Variants in BAZ2B observed in about 807,000 individuals in gnomAD.
BAZ2B encodes bromodomain adjacent to zinc finger domain 2B, also known as bromodomain adjacent to zinc finger domain protein 2B.
BAZ2B carries 91 observed loss-of-function variants against 246.0 expected under a neutral mutation model. That is an observed-to-expected ratio of 0.37 (90% CI 0.31 to 0.44). The LOEUF (loss-of-function observed/expected upper bound fraction) is 0.44, where lower values mean the gene tolerates loss of function less well. BAZ2B is among the 20% of genes least tolerant of loss of function. The pLI, the probability that BAZ2B is intolerant of heterozygous loss-of-function variation, is 1.00. For missense variants in BAZ2B, 2,332 were observed against 2,533.7 expected (o/e 0.92, Z 1.71); for synonymous variants, 855 against 860.0 (o/e 0.99, Z 0.10).
chr2:159,456,765 T>C (rs896493214), intron 3 of BAZ2B, among the ~76,000 whole-genome samples: 1 of 152,162 alleles, frequency 6.6e-6, no homozygotes, highest in African/African-American at 2.4e-5. Flanking sequence ...ACAGGTCCAT[T>C]CCTTGCTGGT....
intron 31 of BAZ2B, among the ~76,000 whole-genome samples, chr2:159,340,639 G>GA (rs886456028): frequency 7.0e-4 from 101 of 144,134 alleles, no homozygotes; most frequent in Middle Eastern, 3.5e-3. Context: ...AGTAGTGAGA[G>GA]AAAAAAAAAA....
chr2:159,462,207 C>A, intron 3 of BAZ2B: 3 of 447,458 alleles, frequency 6.7e-6, no homozygotes, highest in Non-Finnish European at 8.1e-6. Context: ...CAGAAAATTA[C>A]AAAGCAGAGA....
At chr2:159,401,592 A>G (rs1423041456) in intron 16 of BAZ2B, among the ~76,000 whole-genome samples, 1 of 152,176 alleles carries the variant, frequency 6.6e-6, no homozygotes. Flanking sequence ...CTGTAACATT[A>G]TTTTAAAATT....
chr2:159,639,612 C>T, the BAZ2B span, among the ~76,000 whole-genome samples: 13 of 152,012 alleles, frequency 8.6e-5, no homozygotes, highest in East Asian at 1.9e-3. Context: ...AGTGTTAAGT[C>T]GTCATCAGTT....
chr2:159,562,452 T>TTG (rs2089971289), intron 1 of BAZ2B, among the ~76,000 whole-genome samples: 1 of 152,212 alleles, frequency 6.6e-6, no homozygotes, highest in Non-Finnish European at 1.5e-5. Flanking sequence ...GCTTAGCACT[T>TTG]CGCAACATCT....
upstream of BAZ2B, among the ~76,000 whole-genome samples, chr2:159,620,888 G>C (rs1216855402): frequency 6.6e-6 from 1 of 152,198 alleles, no homozygotes; most frequent in African/African-American, 2.4e-5. Flanking sequence ...ACCTTGTTTT[G>C]AGGGAACAGT....
intron 33 of BAZ2B, among the ~76,000 whole-genome samples, chr2:159,334,208 A>G (rs2065242275): frequency 6.6e-6 from 1 of 152,160 alleles, no homozygotes; most frequent in Admixed American, 6.5e-5. Context: ...AAATAAAATT[A>G]TTTCCTGATA....
intron 2 of BAZ2B, among the ~76,000 whole-genome samples, chr2:159,549,668 G>A (rs994044415): frequency 6.6e-6 from 1 of 151,948 alleles, no homozygotes; most frequent in African/African-American, 2.4e-5. Context: ...GTGTTAGGAT[G>A]CACTGATAGC....
chr2:159,387,495 T>G (rs1268371687), intron 21 of BAZ2B, among the ~76,000 whole-genome samples: 1 of 152,192 alleles, frequency 6.6e-6, no homozygotes, highest in Non-Finnish European at 1.5e-5. Context: ...TCAAAAATAT[T>G]TCTCCACTCT....
At chr2:159,333,090 G>A (rs1224050910) in intron 33 of BAZ2B, 1 of 153,342 alleles carries the variant, frequency 6.5e-6, no homozygotes, top group African/African-American at 2.4e-5. Flanking sequence ...ATGATATCCT[G>A]AGAAAGAAAT....
chr2:159,496,059 G>A (rs557767911), intron 2 of BAZ2B, among the ~76,000 whole-genome samples: 29 of 148,012 alleles, frequency 2.0e-4, no homozygotes, highest in Admixed American at 1.6e-3. Context: ...ATGAGCCACC[G>A]CGCCCAGCCA....
At chr2:159,413,634 G>C (rs1427508251) in intron 13 of BAZ2B, among the ~76,000 whole-genome samples, 1 of 152,124 alleles carries the variant, frequency 6.6e-6, no homozygotes, top group East Asian at 1.9e-4. Context: ...TTTGAACCAG[G>C]GAGGTGGAGG....
At chr2:159,365,698 G>A (rs2060146010) in intron 27 of BAZ2B, among the ~76,000 whole-genome samples, 1 of 152,114 alleles carries the variant, frequency 6.6e-6, no homozygotes, top group South Asian at 2.1e-4. Context: ...TACCCATATA[G>A]TATACTCTAT....
upstream of BAZ2B, among the ~76,000 whole-genome samples, chr2:159,618,000 T>G (rs1696261242): frequency 6.6e-6 from 1 of 152,244 alleles, no homozygotes; most frequent in African/African-American, 2.4e-5. Flanking sequence ...CTCAGGAGAC[T>G]GATGCTAAAT....
chr2:159,697,628 C>G, the BAZ2B span, among the ~76,000 whole-genome samples: 1 of 152,070 alleles, frequency 6.6e-6, no homozygotes, highest in East Asian at 1.9e-4. Context: ...ACAATTTTGG[C>G]TTTTTTTGCA....
intron 2 of BAZ2B, among the ~76,000 whole-genome samples, chr2:159,511,157 C>T (rs770171762): frequency 1.3e-5 from 2 of 152,132 alleles, no homozygotes; most frequent in Non-Finnish European, 2.9e-5. Context: ...TTAAGACAAA[C>T]TATTCCAGAA....
At position 159,429,251 on chromosome 2, in the gene BAZ2B, T is replaced by C. The variant is rs1207364807; in HGVS notation, c.2204A>G (p.Lys735Arg). 2 of 1,545,556 alleles carry C rather than the reference T, an allele frequency of 1.3e-6. No homozygotes were observed. The highest frequency in any genetic ancestry group is 1.8e-6 in the Non-Finnish European group (2 of 1,139,410). The change falls in exon 11 of 37, where the codon AAA becomes AGA. Residue 735 changes from lysine (K) to arginine (R), a missense_variant. Lys to Arg is a conservative substitution (Grantham distance 26). This residue lies in a region of BAZ2B where 651 missense variants were observed against 650.9 expected (regional missense o/e 1.00). Transcript: ENST00000392783. ...ACGTTCATCTGTTACTCTTCTTCTT[T>C]TGGAAGTGCCTTTAAAAAAATTCAA... ...LTSSPHSGTSKRRRVTDEREL... is the reference protein window; with the variant it reads ...LTSSPHSGTSRRRRVTDEREL...
chr2:159,664,961 C>G, the BAZ2B span, among the ~76,000 whole-genome samples: 1 of 151,642 alleles, frequency 6.6e-6, no homozygotes, highest in Non-Finnish European at 1.5e-5. Flanking sequence ...CCCATCGTCT[C>G]AGCCCAAAAT....
At chr2:159,683,790 T>G in the BAZ2B span, among the ~76,000 whole-genome samples, 1 of 152,220 alleles carries the variant, frequency 6.6e-6, no homozygotes, top group Non-Finnish European at 1.5e-5. Context: ...ACTAACTCTT[T>G]TTTCTCTTTA....
Sources: allele counts gnomAD v4.1 joint callset (sites outside exome capture counted in the v4.1 genomes callset), GRCh38; gene constraint gnomAD v4.1.1; regional missense constraint gnomAD v4.1.1; transcripts MANE v1.5; gene names NCBI Gene and HGNC (gene_info 2026-07-23, HGNC 2026-07-21).